The following FRY variants were observed in gnomAD, a reference collection of about 807,000 sequenced individuals.
FRY encodes FRY microtubule binding protein.
FRY carries 128 observed loss-of-function variants against 348.4 expected under a neutral mutation model. The observed-to-expected ratio is 0.37, with a 90% CI of 0.32 to 0.43. FRY has a LOEUF of 0.43. FRY is among the 20% of genes least tolerant of loss of function. FRY has a pLI of 1.00. For synonymous variants in FRY, 1,370 were observed against 1,374.7 expected, an observed-to-expected ratio of 1.00 and a Z score of 0.08; for missense variants, 2,736 against 3,695.2, an observed-to-expected ratio of 0.74 and a Z score of 6.73.
chr13:32,177,029 A>G (rs1261299713), intron 20 of FRY, among the ~76,000 whole-genome samples: 2 of 152,174 alleles, frequency 1.3e-5, no homozygotes, highest in East Asian at 3.8e-4. Context: ...CCTATTGACC[A>G]TTGAGGCCAC....
intron 3 of FRY, 86 bp downstream of exon 3, chr13:32,102,102 G>T: frequency 1.2e-6 from 1 of 807,806 alleles, no homozygotes; most frequent in South Asian, 1.3e-5. Flanking sequence ...ATTGTTGTAT[G>T]GATGAACATC....
At chr13:32,074,675 TAAAA>T (rs1185803131) in intron 1 of FRY, among the ~76,000 whole-genome samples, 1 of 152,210 alleles carries the variant, frequency 6.6e-6, no homozygotes, top group African/African-American at 2.4e-5. Context: ...AAACAGATTT[TAAAA>T]AAGTCATTAT....
Position 32,191,235 on chromosome 13 carries a change from A to C in FRY, c.3592-2908A>C, listed in dbSNP as rs150189083. On this transcript the variant is annotated intron_variant, in intron 28 of 60. Coordinates refer to ENST00000542859, the MANE Select transcript of FRY (RefSeq NM_023037.3). Reference sequence around the variant, plus strand: ...TCTCTAGAAAAGAATCCAGAAGAATATCTTCATCCCTGGGGTTACAGTAAG... The same window carrying C: ...TCTCTAGAAAAGAATCCAGAAGAATCTCTTCATCCCTGGGGTTACAGTAAG... Among the ~76,000 whole-genome samples, 703 of 152,292 alleles carry C rather than the reference A, an allele frequency of 4.6e-3. 9 individuals are homozygous for C. Among genetic ancestry groups the C allele is most frequent in the African/African-American group, 0.016 (673 of 41,552 alleles).
intron 28 of FRY, among the ~76,000 whole-genome samples, chr13:32,192,267 C>CT (rs61216750): frequency 0.48 from 72,825 of 151,972 alleles, 17,406 homozygotes; most frequent in Non-Finnish European, 0.49. Context: ...TTTTTAATGA[C>CT]TTTTTTTGTT....
intron 55 of FRY, among the ~76,000 whole-genome samples, chr13:32,272,387 G>A (rs1327207963): frequency 4.6e-5 from 7 of 152,316 alleles, no homozygotes; most frequent in African/African-American, 1.4e-4. Context: ...CTCAGTCATT[G>A]TGTTTTCTTC....
chr13:32,073,096 A>G (rs929504124), intron 1 of FRY, among the ~76,000 whole-genome samples: 3 of 152,218 alleles, frequency 2.0e-5, no homozygotes, highest in East Asian at 1.9e-4. Context: ...AGTAAAAGCA[A>G]TGAGTGTTGA....
intron 27 of FRY, 82 bp downstream of exon 27, chr13:32,186,502 G>A: frequency 1.1e-6 from 1 of 922,852 alleles, no homozygotes; most frequent in Non-Finnish European, 1.8e-6. Flanking sequence ...TTAAAAATAA[G>A]CTTAAAATAA....
intron 33 of FRY, 23 bp downstream of exon 33, chr13:32,209,754 A>G (rs1884577585): frequency 2.5e-6 from 4 of 1,612,666 alleles, no homozygotes; most frequent in African/African-American, 2.7e-5. Flanking sequence ...CAGCCCTTCA[A>G]GAGTGATTAT....
intron 47 of FRY, among the ~76,000 whole-genome samples, chr13:32,246,312 T>G (rs1038637348): frequency 1.3e-5 from 2 of 152,266 alleles, no homozygotes; most frequent in African/African-American, 2.4e-5. Context: ...TCAAATTTGT[T>G]TATCTGTGTT....
At chr13:32,227,352 A>C (rs941790211) in intron 39 of FRY, among the ~76,000 whole-genome samples, 84 of 152,366 alleles carry the variant, frequency 5.5e-4, no homozygotes, top group Non-Finnish European at 8.8e-5. Flanking sequence ...TAGAACACTG[A>C]GATACAGAGA....
chr13:32,086,605 T>C (rs1183560248), intron 2 of FRY, among the ~76,000 whole-genome samples: 1 of 152,114 alleles, frequency 6.6e-6, no homozygotes, highest in African/African-American at 2.4e-5. Context: ...GGATCTAGTC[T>C]ATCAGCATAA....
chr13:32,179,804 A>G lies in FRY; in HGVS notation c.2996+5A>G. On this transcript the variant is annotated splice_donor_5th_base_variant and intron_variant, in intron 23 of 60. Coordinates refer to ENST00000542859, the MANE Select transcript of FRY (RefSeq NM_023037.3). ...AACAAATTCCCTTGTTTTCAGGTAC[A>G]GTAGTCTTAATGAGTTGTTCTAAAT... The G allele has an allele frequency of 6.2e-7, 1 of 1,613,128 alleles. No homozygotes were observed. The highest frequency in any genetic ancestry group is 8.5e-7 in the Non-Finnish European group (1 of 1,179,102).
At chr13:32,134,635 G>A (rs538317968) in intron 8 of FRY, among the ~76,000 whole-genome samples, 158 of 152,348 alleles carry the variant, frequency 1.0e-3, no homozygotes, top group Non-Finnish European at 1.8e-3. Flanking sequence ...ATACACGTGT[G>A]CTTGCTGGTT....
chr13:32,168,676 A>C (rs1042713336), intron 17 of FRY, among the ~76,000 whole-genome samples: 1 of 152,228 alleles, frequency 6.6e-6, no homozygotes, highest in Non-Finnish European at 1.5e-5. Context: ...TCCCTGAAAA[A>C]TTAGCTTAGA....
chr13:32,037,532 A>G (rs1313191296), intron 1 of FRY, among the ~76,000 whole-genome samples: 1 of 152,212 alleles, frequency 6.6e-6, no homozygotes, highest in Non-Finnish European at 1.5e-5. Context: ...CAGCACCAAG[A>G]TAAATTTTGA....
chr13:32,248,389 G>A (rs370164522), intron 48 of FRY, among the ~76,000 whole-genome samples: 2 of 152,092 alleles, frequency 1.3e-5, no homozygotes, highest in South Asian at 4.1e-4. Context: ...TCACGGGGTG[G>A]GGAACAAGGG....
intron 51 of FRY, among the ~76,000 whole-genome samples, chr13:32,257,581 T>A (rs1401960979): frequency 6.6e-6 from 1 of 152,240 alleles, no homozygotes; most frequent in Non-Finnish European, 1.5e-5. Flanking sequence ...TTATTTCCAG[T>A]TGATGACCCT....
At chr13:32,228,379 T>C (rs1885714083) in intron 39 of FRY, 77 bp from the exon 40 acceptor site, 1 of 1,057,028 alleles carries the variant, frequency 9.5e-7, no homozygotes, top group Non-Finnish European at 1.5e-6. Context: ...TTCCCTGCCC[T>C]CCTCTGTGGA....
Position 32,078,907 on chromosome 13 carries a change from G to C in FRY, c.144G>C (p.Pro48=), listed in dbSNP as rs752492247. Residue 48 remains proline, a synonymous_variant, in exon 2 of 61, where the codon CCG becomes CCC. Coordinates refer to ENST00000542859, the MANE Select transcript of FRY (RefSeq NM_023037.3). ...CTGGCACGCACAGGGAGAAAGGGCC[G>C]CCAACCATGCTACCCATCAATGTGG... ...PASGTHREKG[P]PTMLPINVDP... The C allele has an allele frequency of 2.5e-6, 4 of 1,613,898 alleles. No homozygotes were observed. The highest frequency in any genetic ancestry group is 2.2e-5 in the East Asian group (1 of 44,874).
Sources: allele counts gnomAD v4.1 joint callset (sites outside exome capture counted in the v4.1 genomes callset), GRCh38; gene constraint gnomAD v4.1.1; transcripts MANE v1.5; gene names NCBI Gene and HGNC (gene_info 2026-07-23, HGNC 2026-07-21).